Variants in ATP6V0A4 observed in about 807,000 individuals in gnomAD.
ATP6V0A4 encodes V-type proton ATPase 116 kDa subunit a 4.
In ATP6V0A4, 86 loss-of-function variants were observed where a neutral mutation model predicts 107.3. That is an observed-to-expected ratio of 0.80 (90% CI 0.67 to 0.96). ATP6V0A4 has a LOEUF of 0.96. Ranked by LOEUF, ATP6V0A4 falls within the 40% of genes least tolerant of loss-of-function variation. The pLI is 0.00. For missense variants in ATP6V0A4, 908 were observed against 1,045.6 expected, an observed-to-expected ratio of 0.87 and a Z score of 1.81; for synonymous variants, 353 against 381.4, an observed-to-expected ratio of 0.93 and a Z score of 0.87.
intron 18 of ATP6V0A4, among the ~76,000 whole-genome samples, chr7:138,723,320 T>C (rs531842878): frequency 1.1e-3 from 168 of 152,088 alleles, no homozygotes; most frequent in African/African-American, 3.8e-3. Flanking sequence ...ACTATAAAAA[T>C]AGCTTAGGAA....
intron 8 of ATP6V0A4, among the ~76,000 whole-genome samples, chr7:138,758,168 G>A (rs1030746505): frequency 1.3e-5 from 2 of 152,158 alleles, no homozygotes; most frequent in Non-Finnish European, 2.9e-5. Flanking sequence ...AAAAAGTGAT[G>A]ATTTAATGTC....
intron 2 of ATP6V0A4, among the ~76,000 whole-genome samples, chr7:138,785,437 G>A (rs555278396): frequency 4.6e-5 from 7 of 151,940 alleles, no homozygotes; most frequent in Non-Finnish European, 1.0e-4. Context: ...CACCACGCCC[G>A]GTTAATTTTT....
intron 15 of ATP6V0A4, among the ~76,000 whole-genome samples, chr7:138,738,391 G>GA (rs1805454378): frequency 6.6e-6 from 1 of 152,120 alleles, no homozygotes. Flanking sequence ...CTGTGGAGGG[G>GA]AGAGACGAGA....
At chr7:138,793,303 A>G (rs914112254) in intron 1 of ATP6V0A4, among the ~76,000 whole-genome samples, 2 of 152,328 alleles carry the variant, frequency 1.3e-5, no homozygotes, top group African/African-American at 2.4e-5. Context: ...TCAAAAATAT[A>G]AAAGAGATGA....
chr7:138,789,740 G>C (rs1223403219), intron 1 of ATP6V0A4, among the ~76,000 whole-genome samples: 2 of 150,872 alleles, frequency 1.3e-5, no homozygotes, highest in Non-Finnish European at 1.5e-5. Context: ...AGAGGCTGAG[G>C]CAGGTGGATC....
At position 138,728,869 on chromosome 7, in the gene ATP6V0A4, G is replaced by C. The variant is rs751594846; in HGVS notation, c.1909-7C>G. The C allele has an allele frequency of 2.5e-6, 4 of 1,614,090 alleles. No individual in the cohort carries two copies. The highest frequency in any genetic ancestry group is 1.1e-5 in the South Asian group (1 of 91,082). ...AGAAACTTTGGACTTCTTGCTGCAA[G>C]ACCAAAATGGCGAGATCTCATCATT... On this transcript the variant is annotated splice_region_variant and splice_polypyrimidine_tract_variant and intron_variant, in intron 17 of 21. Coordinates refer to ENST00000310018, the MANE Select transcript of ATP6V0A4 (RefSeq NM_020632.3).
Position 138,734,139 on chromosome 7 carries a change from T to A in ATP6V0A4, c.1688A>T (p.His563Leu), listed in dbSNP as rs753113224. Residue 563 changes from histidine to leucine, a missense_variant, in exon 16 of 22, where the codon CAC becomes CTC. Physicochemically the swap from His to Leu is moderately conservative, Grantham distance 99. Coordinates refer to ENST00000310018, the MANE Select transcript of ATP6V0A4 (RefSeq NM_020632.3). The part of the protein sequence containing the change: ...VFGVILSLFN[H>L]IYFRRTLNII... ...GAGAGTGCATCAAGAAACTTACATG[T>A]GATTGAAAAGGCTGAGGATGACACC... 52 of 1,610,720 alleles carry A rather than the reference T, an allele frequency of 3.2e-5. No homozygotes were observed. The highest frequency in any genetic ancestry group is 4.2e-5 in the Non-Finnish European group (50 of 1,177,204).
In ATP6V0A4 at chr7:138,730,931, C is replaced by CTTCTTCTTT. The variant is rs1554392929; in HGVS notation, c.1908+1945_1908+1946insAAAGAAGAA. ...CAAGGCATTTTTTCTTCTTCTTCTT[C>CTTCTTCTTT]TTTTTTTATTTTTTTTTTTGAGACA... On this transcript the variant is annotated intron_variant, in intron 17 of 21. Transcript: ENST00000310018. 3.4e-3 allele frequency among the ~76,000 whole-genome samples: 421 copies of CTTCTTCTTT among 123,728 alleles called. 4 individuals carry two copies. The highest frequency in any genetic ancestry group is 0.013 in the African/African-American group (417 of 32,672). 81.2% of individuals were successfully genotyped at this position (123,728 alleles called of 152,430 possible).
chr7:138,714,260 C>G (rs936669232), intron 20 of ATP6V0A4, among the ~76,000 whole-genome samples: 1 of 147,980 alleles, frequency 6.8e-6, no homozygotes, highest in African/African-American at 2.5e-5. Flanking sequence ...AAACGCTCCT[C>G]AGGGCCACTG....
intron 2 of ATP6V0A4, among the ~76,000 whole-genome samples, chr7:138,784,224 ATATATATATACG>A (rs1341260715): frequency 0.086 from 8,065 of 93,496 alleles, 385 homozygotes; most frequent in African/African-American, 0.13. Flanking sequence ...TTATATATAT[ATATATATATACG>A]TATATATATA....
chr7:138,733,190 TC>T, intron 16 of ATP6V0A4, 97 bp from the exon 17 acceptor site: 1 of 1,544,956 alleles, frequency 6.5e-7, no homozygotes. Context: ...AAATGTTCTA[TC>T]TTTTTTTTTT....
chr7:138,712,695 G>T (rs899519493), intron 20 of ATP6V0A4, among the ~76,000 whole-genome samples: 3 of 151,966 alleles, frequency 2.0e-5, no homozygotes, highest in Admixed American at 6.6e-5. Flanking sequence ...CCCAGTGGGT[G>T]AATCAGGGCA....
intron 14 of ATP6V0A4, among the ~76,000 whole-genome samples, chr7:138,743,694 T>C (rs1028016825): frequency 4.6e-5 from 7 of 152,124 alleles, no homozygotes; most frequent in Non-Finnish European, 7.3e-5. Flanking sequence ...GGTCCTCTTT[T>C]CTCATTTGTT....
chr7:138,712,226 C>T (rs12374762), intron 20 of ATP6V0A4, among the ~76,000 whole-genome samples: 45,705 of 146,934 alleles, frequency 0.31, 7,053 homozygotes, highest in African/African-American at 0.39. Context: ...TGAGCCACCA[C>T]GCCCAGCCCC....
In ATP6V0A4 at chr7:138,762,950, C is replaced by A; in HGVS notation, c.367G>T (p.Glu123Ter). ...NQQALKQSFL[E>*]LTELKYLLKK... ...AGGAGGTATTTCAGTTCTGTCAGTT[C>A]TAGGAAGCTTTGTTTCAAGGCCTGC... The change falls in exon 6 of 22, where the codon GAA becomes TAA. Residue 123 changes from glutamate to a stop codon, truncating the protein, a stop_gained. Coordinates refer to ENST00000310018, the MANE Select transcript of ATP6V0A4 (RefSeq NM_020632.3). LOFTEE classifies it high-confidence loss of function. 6.2e-7 allele frequency: 1 copy of A among 1,614,132 alleles called. No individual in the cohort carries two copies. Among genetic ancestry groups the A allele is most frequent in the Non-Finnish European group, 8.5e-7 (1 of 1,180,030 alleles).
At chr7:138,762,801 C>T (rs1367626822) in intron 6 of ATP6V0A4, 99 bp downstream of exon 6, 2 of 1,373,186 alleles carry the variant, frequency 1.5e-6, no homozygotes, top group Non-Finnish European at 2.1e-6. Context: ...GGAACAGAAA[C>T]AGAGTGATTT....
At chr7:138,739,713 T>C (rs1805518691) in intron 14 of ATP6V0A4, 80 bp from the exon 15 acceptor site, 1 of 1,573,062 alleles carries the variant, frequency 6.4e-7, no homozygotes. Context: ...AGTCACGAAC[T>C]TGCCCATCAA....
intron 19 of ATP6V0A4, among the ~76,000 whole-genome samples, chr7:138,719,617 A>G (rs182517996): frequency 1.3e-5 from 2 of 152,298 alleles, no homozygotes; most frequent in East Asian, 1.9e-4. Context: ...CCACACATCA[A>G]TGTGGGGACA....
chr7:138,797,214 T>C (rs891859318), intron 1 of ATP6V0A4, among the ~76,000 whole-genome samples: 6 of 145,686 alleles, frequency 4.1e-5, no homozygotes, highest in African/African-American at 7.8e-5. Context: ...TTTTCTTTTT[T>C]TTTTTTTTTT....
Sources: allele counts gnomAD v4.1 joint callset (sites outside exome capture counted in the v4.1 genomes callset), GRCh38; gene constraint gnomAD v4.1.1; transcripts MANE v1.5; gene names NCBI Gene and HGNC (gene_info 2026-07-23, HGNC 2026-07-21).